The following RIN3 variants were observed in gnomAD, a reference collection of about 807,000 sequenced individuals.
RIN3 encodes RAB5 interacting protein 3.
RIN3 carries 54 observed loss-of-function variants against 76.3 expected under a neutral mutation model. The ratio of observed to expected loss-of-function variants is 0.71; its 90% CI spans 0.57 to 0.89. RIN3 has a LOEUF of 0.89. RIN3 is among the 40% of genes least tolerant of loss of function. The pLI is 0.00. For missense variants in RIN3, 1,256 were observed against 1,322.1 expected (o/e 0.95, Z 0.78); for synonymous variants, 576 against 564.0 (o/e 1.02, Z -0.30).
At chr14:92,597,786 C>A (rs1274353854) in intron 3 of RIN3, among the ~76,000 whole-genome samples, 2 of 152,118 alleles carry the variant, frequency 1.3e-5, no homozygotes, top group African/African-American at 4.8e-5. Context: ...CTGTGTAGCC[C>A]GACCTAGAAT....
At chr14:92,679,309 C>G (rs1175452227) in intron 8 of RIN3, among the ~76,000 whole-genome samples, 1 of 152,116 alleles carries the variant, frequency 6.6e-6, no homozygotes, top group Non-Finnish European at 1.5e-5. Flanking sequence ...ACGGCAGTGT[C>G]ACACCTTGCC....
At chr14:92,576,646 C>CA (rs1193769961) in intron 2 of RIN3, among the ~76,000 whole-genome samples, 2 of 152,150 alleles carry the variant, frequency 1.3e-5, no homozygotes, top group African/African-American at 4.8e-5. Context: ...GGTATTAACT[C>CA]AGTCAGTCAT....
chr14:92,576,381 G>A lies in RIN3; in HGVS notation c.250-979G>A, dbSNP rs768599449. The stretch of plus-strand genomic sequence containing the variant: ...ACATGCTGGCTCTGGGTGAGACCTC[G>A]GTTAGTATTTGGTTTCTAGAGCACA... On this transcript the variant is annotated intron_variant, in intron 2 of 9. Coordinates refer to ENST00000216487, the MANE Select transcript of RIN3 (RefSeq NM_024832.5). 2.2e-5 allele frequency: 29 copies of A among 1,289,674 alleles called. 1 individual carries two copies. Among genetic ancestry groups the A allele is most frequent in the South Asian group, 1.7e-4 (14 of 81,026 alleles). The allele number at this position is 1,289,674 out of a possible 1,614,324, so 79.9% of individuals were successfully genotyped here. A position where few individuals can be genotyped will look rare whatever the true frequency, so the allele number is the denominator to read the frequency against.
intron 1 of RIN3, among the ~76,000 whole-genome samples, chr14:92,538,811 C>T (rs574862797): frequency 2.6e-5 from 4 of 152,096 alleles, no homozygotes; most frequent in East Asian, 3.8e-4. Context: ...TATAGTCACA[C>T]GGTTCAAATT....
At chr14:92,624,788 T>C (rs1179122892) in intron 4 of RIN3, among the ~76,000 whole-genome samples, 2 of 152,224 alleles carry the variant, frequency 1.3e-5, no homozygotes, top group Non-Finnish European at 1.5e-5. Context: ...AATTAAACTT[T>C]CCTTAGCTTT....
intron 1 of RIN3, among the ~76,000 whole-genome samples, chr14:92,553,850 C>T (rs1380180208): frequency 2.6e-5 from 4 of 152,162 alleles, no homozygotes; most frequent in East Asian, 1.9e-4. Context: ...TTTAATACAG[C>T]GCTGCCTGAC....
intron 7 of RIN3, among the ~76,000 whole-genome samples, chr14:92,666,214 T>C (rs1239455069): frequency 1.3e-5 from 2 of 152,068 alleles, no homozygotes; most frequent in Non-Finnish European, 2.9e-5. Flanking sequence ...CAGGCAACAG[T>C]AGCTTGATGT....
chr14:92,574,517 G>C (rs749451076), intron 2 of RIN3, among the ~76,000 whole-genome samples: 1 of 152,192 alleles, frequency 6.6e-6, no homozygotes. Flanking sequence ...CTTCCAGCTT[G>C]CTTGTCTATG....
chr14:92,633,551 T>G (rs1422571658), intron 4 of RIN3, among the ~76,000 whole-genome samples: 1 of 152,130 alleles, frequency 6.6e-6, no homozygotes, highest in East Asian at 1.9e-4. Context: ...AGCCGGCTGG[T>G]GGCCTGAGAC....
chr14:92,630,768 AG>A (rs1886546880), intron 4 of RIN3, among the ~76,000 whole-genome samples: 1 of 152,238 alleles, frequency 6.6e-6, no homozygotes, highest in Non-Finnish European at 1.5e-5. Flanking sequence ...GTCAGCTCCC[AG>A]GCCTGAGTTT....
At chr14:92,548,901 A>G (rs1897346966) in intron 1 of RIN3, among the ~76,000 whole-genome samples, 1 of 152,084 alleles carries the variant, frequency 6.6e-6, no homozygotes, top group Admixed American at 6.5e-5. Flanking sequence ...AGGTATGAGG[A>G]TGACTGAATT....
intron 2 of RIN3, among the ~76,000 whole-genome samples, chr14:92,565,613 A>G (rs1338317258): frequency 6.6e-6 from 1 of 152,180 alleles, no homozygotes; most frequent in East Asian, 1.9e-4. Context: ...TTTAGACTAT[A>G]TAGGGTAACT....
At chr14:92,637,848 A>G (rs1886830765) in intron 4 of RIN3, among the ~76,000 whole-genome samples, 2 of 152,200 alleles carry the variant, frequency 1.3e-5, no homozygotes, top group South Asian at 2.1e-4. Context: ...TTATATTGGT[A>G]TAGATTTTTA....
intron 3 of RIN3, among the ~76,000 whole-genome samples, chr14:92,586,865 T>G (rs1884795535): frequency 6.6e-6 from 1 of 152,152 alleles, no homozygotes; most frequent in Non-Finnish European, 1.5e-5. Context: ...CTCAGGGAAA[T>G]CCACCCAGGC....
rs779451407 is a variant in RIN3, at chr14:92,676,527, C to T, written c.2388C>T (p.Ala796=). The change falls in exon 8 of 10, where the codon GCC becomes GCT. Residue 796 remains alanine (A), a synonymous_variant. Transcript: ENST00000216487. ...TGCCTGTGCTCATGTATGTGCTGGC[C>T]CGCAGCAACCTCACGGAGATGCTTC... ...DFLPVLMYVL[A]RSNLTEMLLN... 3 of 1,614,092 alleles carry T rather than the reference C, an allele frequency of 1.9e-6. No individual in the cohort carries two copies. The highest frequency in any genetic ancestry group is 4.5e-5 in the East Asian group (2 of 44,888).
At chr14:92,664,384 T>TTTTTG (rs1887999984) in intron 7 of RIN3, among the ~76,000 whole-genome samples, 1 of 141,588 alleles carries the variant, frequency 7.1e-6, no homozygotes, top group Non-Finnish European at 1.5e-5. Flanking sequence ...TTTTTTTTTT[T>TTTTTG]TGAGATGGAG....
chr14:92,537,029 G>T (rs1897017869), intron 1 of RIN3, among the ~76,000 whole-genome samples: 2 of 151,984 alleles, frequency 1.3e-5, no homozygotes, highest in African/African-American at 4.8e-5. Flanking sequence ...TAATGAAAAA[G>T]ATGTACAGTG....
At chr14:92,661,752 C>CAAAAAA (rs1555392562) in intron 7 of RIN3, among the ~76,000 whole-genome samples, 1 of 140,852 alleles carries the variant, frequency 7.1e-6, no homozygotes, top group African/African-American at 2.7e-5. Flanking sequence ...CACACACACA[C>CAAAAAA]ACACACAAAA....
chr14:92,583,215 TC>T lies in RIN3; in HGVS notation c.367+5742del, dbSNP rs1360308991. Among the ~76,000 whole-genome samples, 6 of 152,214 alleles carry T rather than the reference TC, an allele frequency of 3.9e-5. No individual in the cohort carries two copies. In the South Asian group the frequency reaches 8.3e-4, roughly 21 times the overall value. Reference sequence around the variant, plus strand: ...TGGAACTGGGGCCTTTTGTTGGGGTTCCCCACACAGAGCTGAGGCAAGGGAA... The same window carrying T: ...TGGAACTGGGGCCTTTTGTTGGGGTTCCCACACAGAGCTGAGGCAAGGGAA... On this transcript the variant is annotated intron_variant, in intron 3 of 9. Transcript: ENST00000216487.
Sources: gnomAD v4.1 joint callset for allele counts (sites outside exome capture counted in the v4.1 genomes callset) on GRCh38, gnomAD v4.1.1 for gene constraint, MANE v1.5 for transcripts, NCBI Gene and HGNC (gene_info 2026-07-23, HGNC 2026-07-21) for gene names.